Variants in BAG2 observed in about 807,000 individuals in gnomAD.
BAG2 encodes BAG family molecular chaperone regulator 2.
BAG2 carries 8 observed loss-of-function variants against 16.4 expected under a neutral mutation model. The ratio of observed to expected loss-of-function variants is 0.49; its 90% CI spans 0.29 to 0.88. The LOEUF (loss-of-function observed/expected upper bound fraction) is 0.88. Among genes scored for constraint, BAG2 ranks in the 40% least tolerant of loss-of-function variants. BAG2 has a pLI of 0.09. For synonymous variants in BAG2, 82 were observed against 89.2 expected (o/e 0.92, Z 0.46); for missense variants, 218 against 248.9 (o/e 0.88, Z 0.84).
chr6:57,177,763 G>A (rs140162697), intron 1 of BAG2, among the ~76,000 whole-genome samples: 9 of 152,264 alleles, frequency 5.9e-5, no homozygotes, highest in African/African-American at 1.7e-4. Context: ...CAGTGCTGGC[G>A]CAGTTTTCAC....
intron 1 of BAG2, chr6:57,174,273 C>G: frequency 7.7e-7 from 1 of 1,295,222 alleles, no homozygotes; most frequent in Middle Eastern, 2.2e-4. Flanking sequence ...TCAACCACTT[C>G]ATTCTCCTCT....
intron 1 of BAG2, among the ~76,000 whole-genome samples, chr6:57,178,194 T>C: frequency 6.6e-6 from 1 of 152,180 alleles, no homozygotes; most frequent in East Asian, 1.9e-4. Flanking sequence ...AACATTTCTC[T>C]AACCAGAGTT....
At chr6:57,179,130 A>G (rs1455975741) in intron 1 of BAG2, among the ~76,000 whole-genome samples, 1 of 152,172 alleles carries the variant, frequency 6.6e-6, no homozygotes, top group African/African-American at 2.4e-5. Context: ...CTTTTAGCAT[A>G]AATATTTAGT....
chr6:57,184,379 C>A lies in BAG2; in HGVS notation c.*189C>A. On this transcript the variant is annotated 3_prime_UTR_variant, in exon 3 of 3. Coordinates refer to ENST00000370693, the MANE Select transcript of BAG2 (RefSeq NM_004282.4). ...ACAAAACTAGCAATATTTTAATTAT[C>A]TATCTAGAGATTTTTTAGATTGAAT... is the stretch of plus-strand genomic sequence containing the variant. 1 of 474,082 alleles carries A rather than the reference C, an allele frequency of 2.1e-6. No individual in the cohort carries two copies. Among genetic ancestry groups the A allele is most frequent in the Non-Finnish European group, 3.5e-6 (1 of 287,596 alleles). The allele number at this position is 474,082 out of a possible 1,614,324, so 29.4% of individuals were successfully genotyped here.
Position 57,183,848 on chromosome 6 carries a change from A to G in BAG2, c.294A>G (p.Val98=), listed in dbSNP as rs1733746072. The G allele has an allele frequency of 9.3e-6, 15 of 1,613,946 alleles. No homozygotes were observed. The highest frequency in any genetic ancestry group is 1.3e-5 in the Non-Finnish European group (15 of 1,179,936). ...MGRTLTVEVS[V]ETIRNPQQQE... is the part of the protein sequence containing the mutation. The stretch of plus-strand genomic sequence containing the variant: ...GAACTCTCACCGTTGAAGTGTCAGT[A>G]GAAACAATTAGAAACCCCCAGCAGC... The change falls in exon 3 of 3, where the codon GTA becomes GTG. Residue 98 remains valine, a synonymous_variant. Coordinates refer to ENST00000370693, the MANE Select transcript of BAG2 (RefSeq NM_004282.4).
chr6:57,188,638 G>GTT lies in BAG2; in HGVS notation c.*4450_*4451dup, dbSNP rs1321975447. The GTT allele has an allele frequency of 1.3e-5, 2 of 152,160 alleles. No individual in the cohort carries two copies. Among genetic ancestry groups the GTT allele is most frequent in the African/African-American group, 2.4e-5 (1 of 41,448 alleles). The allele number at this position is 152,160 out of a possible 1,614,324, so 9.4% of individuals were successfully genotyped here. A position where few individuals can be genotyped will look rare whatever the true frequency, so the allele number is the denominator to read the frequency against. Reference sequence around the variant, plus strand: ...AGATGACTCATTAGCAGTATCCACTGTTTGTTAGGAACTGAATTTTGCCCC... The same window carrying GTT: ...AGATGACTCATTAGCAGTATCCACTGTTTTTGTTAGGAACTGAATTTTGCCCC... On this transcript the variant is annotated 3_prime_UTR_variant, in exon 3 of 3. Transcript: ENST00000370693.
rs1764748968 is a variant in BAG2, at chr6:57,189,509, G to A, written c.*5319G>A. On this transcript the variant is annotated 3_prime_UTR_variant, in exon 3 of 3. Transcript: ENST00000370693. ...TCCTGAATGACTGCAGATGTGCTGT[G>A]TACCTTCTTAAGGGGCTTTGGCTGA... 6.6e-6 allele frequency: 1 copy of A among 152,254 alleles called. No individual in the cohort carries two copies. Among genetic ancestry groups the A allele is most frequent in the Admixed American group, 6.5e-5 (1 of 15,276 alleles). The allele number at this position is 152,254 out of a possible 1,614,324, so 9.4% of individuals were successfully genotyped here.
At chr6:57,177,173 T>C (rs554100358) in intron 1 of BAG2, among the ~76,000 whole-genome samples, 35 of 152,230 alleles carry the variant, frequency 2.3e-4, no homozygotes, top group Middle Eastern at 3.4e-3. Context: ...CCCAGCACTT[T>C]GGGAGGCTGA....
intron 1 of BAG2, among the ~76,000 whole-genome samples, chr6:57,178,725 T>C (rs929034161): frequency 5.9e-5 from 9 of 152,072 alleles, no homozygotes; most frequent in Non-Finnish European, 1.3e-4. Context: ...TGAAATCTGG[T>C]TTTCACAGGG....
Position 57,185,154 on chromosome 6 carries a change from G to A in BAG2, c.*964G>A, listed in dbSNP as rs1186341256. 1 of 151,964 alleles carries A rather than the reference G, an allele frequency of 6.6e-6. No homozygotes were observed. Among genetic ancestry groups the A allele is most frequent in the Non-Finnish European group, 1.5e-5 (1 of 67,976 alleles). 9.4% of individuals were successfully genotyped at this position (151,964 alleles called of 1,614,324 possible). Reference sequence around the variant, plus strand: ...GCCTCACACATATTAAACTTTTTTTGTATAAAGGTTACAGCAATTTATACT... The same window carrying A: ...GCCTCACACATATTAAACTTTTTTTATATAAAGGTTACAGCAATTTATACT... On this transcript the variant is annotated 3_prime_UTR_variant, in exon 3 of 3. Coordinates refer to ENST00000370693, the MANE Select transcript of BAG2 (RefSeq NM_004282.4).
intron 1 of BAG2, among the ~76,000 whole-genome samples, chr6:57,180,994 T>G (rs1764423849): frequency 6.6e-6 from 1 of 152,178 alleles, no homozygotes; most frequent in South Asian, 2.1e-4. Context: ...CAAAGAGATG[T>G]CTGAAATTAT....
chr6:57,180,388 T>C (rs747020814), intron 1 of BAG2, among the ~76,000 whole-genome samples: 3 of 152,062 alleles, frequency 2.0e-5, no homozygotes, highest in Non-Finnish European at 4.4e-5. Flanking sequence ...TAAAGAAGAT[T>C]GAGGGACCTG....
chr6:57,182,008 GTT>G, intron 1 of BAG2, 22 bp from the exon 2 acceptor site: 1 of 1,600,892 alleles, frequency 6.2e-7, no homozygotes, highest in African/African-American at 1.3e-5. Context: ...TACAATAACC[GTT>G]TTGTTTTCCC....
rs1454008030 is a variant in BAG2 at position 57,185,309 on chromosome 6, G to A, written c.*1119G>A. 6.6e-6 allele frequency: 1 copy of A among 152,156 alleles called. No homozygotes were observed. Among genetic ancestry groups the A allele is most frequent in the Non-Finnish European group, 1.5e-5 (1 of 68,032 alleles). 9.4% of individuals were successfully genotyped at this position (152,156 alleles called of 1,614,324 possible). ...ATTCTTCTTTTATCTGATAAAGTGT[G>A]AAGCAACTAGAGAACACTTATTTGT... On this transcript the variant is annotated 3_prime_UTR_variant, in exon 3 of 3. Transcript: ENST00000370693.
chr6:57,179,959 TA>T (rs199881391), intron 1 of BAG2, among the ~76,000 whole-genome samples: 152 of 144,036 alleles, frequency 1.1e-3, no homozygotes, highest in South Asian at 1.3e-3. Context: ...GACCTTTTCT[TA>T]AAAAAAAAAA....
rs1172543748 is a variant in BAG2, at chr6:57,188,122, A to AAAG, written c.*3933_*3935dup. Reference sequence around the variant, plus strand: ...ATGCACAATCACCTGGAATCTTGGAAAAGTTTTTCTTTAGTATACATGGTT... The same window carrying AAAG: ...ATGCACAATCACCTGGAATCTTGGAAAAGAAGTTTTTCTTTAGTATACATGGTT... On this transcript the variant is annotated 3_prime_UTR_variant, in exon 3 of 3. Transcript: ENST00000370693. 2.0e-5 allele frequency: 3 copies of AAAG among 152,208 alleles called. No individual in the cohort carries two copies. Among genetic ancestry groups the AAAG allele is most frequent in the Non-Finnish European group, 2.9e-5 (2 of 68,022 alleles). The allele number at this position is 152,208 out of a possible 1,614,324, so 9.4% of individuals were successfully genotyped here. A position where few individuals can be genotyped will look rare whatever the true frequency, so the allele number is the denominator to read the frequency against.
At chr6:57,177,429 CTGTT>C (rs1764312550) in intron 1 of BAG2, among the ~76,000 whole-genome samples, 1 of 152,046 alleles carries the variant, frequency 6.6e-6, no homozygotes, top group Non-Finnish European at 1.5e-5. Context: ...AAAAACAAAC[CTGTT>C]TTAGAAATTA....
chr6:57,174,516 T>C (rs1161003130), intron 1 of BAG2: 2 of 769,512 alleles, frequency 2.6e-6, no homozygotes, highest in African/African-American at 3.6e-5. Flanking sequence ...AGTGATTAAA[T>C]TACAACTTGC....
chr6:57,183,683 T>A, intron 2 of BAG2, 95 bp from the exon 3 acceptor site: 1 of 1,157,978 alleles, frequency 8.6e-7, no homozygotes, highest in Non-Finnish European at 1.2e-6. Context: ...TAAAAAAATT[T>A]CATGGCAGAG....
Sources: allele counts gnomAD v4.1 joint callset (sites outside exome capture counted in the v4.1 genomes callset), GRCh38; gene constraint gnomAD v4.1.1; transcripts MANE v1.5; gene names NCBI Gene and HGNC (gene_info 2026-07-23, HGNC 2026-07-21).